Variants in PPARGC1A observed in about 807,000 individuals in gnomAD.
PPARGC1A encodes PPARG coactivator 1 alpha.
A neutral mutation model predicts 88.7 loss-of-function variants in PPARGC1A; 25 were observed. The ratio of observed to expected loss-of-function variants is 0.28; its 90% confidence interval spans 0.21 to 0.39. The LOEUF (loss-of-function observed/expected upper bound fraction) is 0.39, where lower values mean the gene tolerates loss of function less well. Ranked by LOEUF, PPARGC1A falls within the 10% of genes least tolerant of loss-of-function variation. PPARGC1A has a pLI of 1.00. For missense variants in PPARGC1A, 880 were observed against 968.7 expected (o/e 0.91, Z 1.22); for synonymous variants, 363 against 355.6 (o/e 1.02, Z -0.24).
At chr4:24,137,205 T>A in the PPARGC1A span, among the ~76,000 whole-genome samples, 1 of 151,438 alleles carries the variant, frequency 6.6e-6, no homozygotes, top group African/African-American at 2.4e-5. Context: ...AAGGAGAGAT[T>A]AGGACACAGA....
At chr4:24,219,937 C>T in the PPARGC1A span, among the ~76,000 whole-genome samples, 1 of 152,222 alleles carries the variant, frequency 6.6e-6, no homozygotes, top group Non-Finnish European at 1.5e-5. Context: ...AAATTTTAGA[C>T]ATAAAGTTTG....
the PPARGC1A span, among the ~76,000 whole-genome samples, chr4:24,327,336 C>A: frequency 2.0e-5 from 3 of 152,178 alleles, no homozygotes; most frequent in Non-Finnish European, 2.9e-5. Flanking sequence ...ATATGCCCTG[C>A]TCTTGTTTAC....
the PPARGC1A span, among the ~76,000 whole-genome samples, chr4:24,329,879 T>A: frequency 2.6e-5 from 4 of 152,134 alleles, no homozygotes. Flanking sequence ...AAAATCTTCA[T>A]CTTAAATGTG....
the PPARGC1A span, among the ~76,000 whole-genome samples, chr4:23,994,626 C>A: frequency 6.6e-6 from 1 of 152,062 alleles, no homozygotes; most frequent in South Asian, 2.1e-4. Context: ...TTGCAATATG[C>A]CCCATTGCCT....
At chr4:24,324,081 A>G in the PPARGC1A span, among the ~76,000 whole-genome samples, 1 of 152,104 alleles carries the variant, frequency 6.6e-6, no homozygotes, top group Non-Finnish European at 1.5e-5. Flanking sequence ...GTGTTTAATC[A>G]TTGCAGAGAC....
At chr4:24,193,575 T>G in the PPARGC1A span, among the ~76,000 whole-genome samples, 1 of 152,254 alleles carries the variant, frequency 6.6e-6, no homozygotes, top group African/African-American at 2.4e-5. Context: ...CTGAAAAGTT[T>G]CCAACTCTCC....
At chr4:24,351,744 G>A in the PPARGC1A span, among the ~76,000 whole-genome samples, 1 of 151,974 alleles carries the variant, frequency 6.6e-6, no homozygotes, top group Non-Finnish European at 1.5e-5. Flanking sequence ...TCATGGTACA[G>A]AAACATACAG....
chr4:24,079,952 A>C, the PPARGC1A span, among the ~76,000 whole-genome samples: 222 of 152,162 alleles, frequency 1.5e-3, no homozygotes, highest in African/African-American at 5.0e-3. Context: ...CATTAACTTT[A>C]TAGCACATTG....
the PPARGC1A span, among the ~76,000 whole-genome samples, chr4:24,304,935 C>G: frequency 6.6e-6 from 1 of 152,058 alleles, no homozygotes; most frequent in Non-Finnish European, 1.5e-5. Flanking sequence ...TGCTAAGCAT[C>G]TACTATGTGG....
At chr4:24,069,166 G>A in the PPARGC1A span, among the ~76,000 whole-genome samples, 2 of 152,192 alleles carry the variant, frequency 1.3e-5, no homozygotes, top group African/African-American at 4.8e-5. Context: ...GAAAGCTTCA[G>A]GGTCTTGCAT....
rs545724790 is a variant in PPARGC1A at position 23,804,068 on chromosome 4, T to C, written c.2020-1723A>G. On this transcript the variant is annotated intron_variant, in intron 10 of 12. Coordinates refer to ENST00000264867, the MANE Select transcript of PPARGC1A (RefSeq NM_013261.5). ...CTACCACATGTAACATGCTCGCCTCTATTTTTTATTAGGAAAGTAAGTTCA... is the reference window on the plus strand; with the variant it reads ...CTACCACATGTAACATGCTCGCCTCCATTTTTTATTAGGAAAGTAAGTTCA... 1.2e-4 allele frequency among the ~76,000 whole-genome samples: 19 copies of C among 152,288 alleles called. No homozygotes were observed. The South Asian group carries it at 2.5e-3, about 20-fold the overall frequency.
At chr4:23,894,064 G>A (rs971896767), upstream of PPARGC1A, among the ~76,000 whole-genome samples, 1 of 152,066 alleles carries the variant, frequency 6.6e-6, no homozygotes, top group Non-Finnish European at 1.5e-5. Context: ...TTTCTAGGAA[G>A]AACTAAAGTT....
the PPARGC1A span, among the ~76,000 whole-genome samples, chr4:24,436,663 A>G: frequency 0.02 from 2,181 of 109,020 alleles, 30 homozygotes; most frequent in Middle Eastern, 0.062. Context: ...CCCAGAGCCC[A>G]GGTCACAGAG....
chr4:23,824,203 A>G (rs1723502113), intron 7 of PPARGC1A, 77 bp downstream of exon 7: 1 of 1,238,028 alleles, frequency 8.1e-7, no homozygotes, highest in Non-Finnish European at 1.2e-6. Flanking sequence ...CATAGACAGT[A>G]CACTCTGTTA....
At chr4:24,391,321 A>T in the PPARGC1A span, among the ~76,000 whole-genome samples, 1 of 152,288 alleles carries the variant, frequency 6.6e-6, no homozygotes, top group East Asian at 1.9e-4. Flanking sequence ...GCTCCTTTTC[A>T]TCAAGAAATC....
intron 2 of PPARGC1A, among the ~76,000 whole-genome samples, chr4:23,873,006 C>T (rs1476210421): frequency 4.0e-5 from 6 of 151,434 alleles, no homozygotes; most frequent in African/African-American, 9.7e-5. Context: ...CTGGCTAACA[C>T]GGTGAAACCC....
At chr4:24,441,165 G>C in the PPARGC1A span, among the ~76,000 whole-genome samples, 1 of 152,156 alleles carries the variant, frequency 6.6e-6, no homozygotes, top group African/African-American at 2.4e-5. Flanking sequence ...CTGTGACAAA[G>C]GGACAAATAC....
At chr4:23,998,786 G>A in the PPARGC1A span, among the ~76,000 whole-genome samples, 1 of 152,184 alleles carries the variant, frequency 6.6e-6, no homozygotes, top group African/African-American at 2.4e-5. Context: ...TAAAAAGCCA[G>A]GGAAAACTTG....
At chr4:23,913,263 T>TAGAG in the PPARGC1A span, among the ~76,000 whole-genome samples, 153 of 56,018 alleles carry the variant, frequency 2.7e-3, no homozygotes, top group Admixed American at 6.1e-3. Flanking sequence ...TATATATATA[T>TAGAG]ATATAGAGAG....
Sources: gnomAD v4.1 joint callset for allele counts (sites outside exome capture counted in the v4.1 genomes callset) on GRCh38, gnomAD v4.1.1 for gene constraint, MANE v1.5 for transcripts, NCBI Gene and HGNC (gene_info 2026-07-23, HGNC 2026-07-21) for gene names.